GPSM2: variants seen among roughly 807,000 people sequenced by gnomAD.
GPSM2 encodes G protein signaling modulator 2.
Under a neutral mutation model 78.4 loss-of-function variants are expected in GPSM2, and 58 were observed. That is an observed-to-expected ratio of 0.74 (90% CI 0.60 to 0.92). GPSM2 has a LOEUF of 0.92. Among genes scored for constraint, GPSM2 ranks in the 40% least tolerant of loss-of-function variants. The probability of loss-of-function intolerance (pLI) is 0.00; values close to 1 mark genes in which losing one functional copy is unlikely to be tolerated. For missense variants in GPSM2, 700 were observed against 815.5 expected (o/e 0.86, Z 1.73); for synonymous variants, 224 against 280.2 (o/e 0.80, Z 2.00).
At chr1:108,904,753 C>T (rs1649094735) in intron 10 of GPSM2, among the ~76,000 whole-genome samples, 1 of 151,050 alleles carries the variant, frequency 6.6e-6, no homozygotes. Flanking sequence ...CTTTATTTTT[C>T]TTTCTTTTTT....
At chr1:108,923,958 TTTG>T (rs749252007) in intron 13 of GPSM2, 39 bp from the exon 14 acceptor site, 56 of 1,435,742 alleles carry the variant, frequency 3.9e-5, no homozygotes, top group Non-Finnish European at 5.2e-5. Flanking sequence ...TTTTTTGTTT[TTTG>T]TTTTTTTTTA....
intron 10 of GPSM2, among the ~76,000 whole-genome samples, chr1:108,906,340 G>A (rs2101454984): frequency 6.6e-6 from 1 of 152,110 alleles, no homozygotes; most frequent in South Asian, 2.1e-4. Flanking sequence ...AGCTTCTCAA[G>A]TAGCTGGCCT....
At chr1:108,899,060 AG>A (rs756210265) in intron 7 of GPSM2, 66 bp downstream of exon 7, 47 of 979,492 alleles carry the variant, frequency 4.8e-5, no homozygotes, top group Non-Finnish European at 7.4e-5. Context: ...CATAGGCTTT[AG>A]GTTTAAAATC....
At position 108,931,069 on chromosome 1, in the gene GPSM2, T is replaced by C. The variant is rs967947306; in HGVS notation, c.*1129T>C. On this transcript the variant is annotated 3_prime_UTR_variant, in exon 15 of 15. Transcript: ENST00000264126. ...CCTGTCTCTAGAAAACAAGTATCTTTTGTGTGTTTTGGGCTGTTTAAAAAA... is the reference window on the plus strand; with the variant it reads ...CCTGTCTCTAGAAAACAAGTATCTTCTGTGTGTTTTGGGCTGTTTAAAAAA... 3 of 269,998 alleles carry C rather than the reference T, an allele frequency of 1.1e-5. No homozygotes were observed. The highest frequency in any genetic ancestry group is 2.1e-5 in the Non-Finnish European group (3 of 141,562). 16.7% of individuals were successfully genotyped at this position (269,998 alleles called of 1,614,324 possible).
chr1:108,914,088 A>T (rs962498030), intron 10 of GPSM2, among the ~76,000 whole-genome samples: 2 of 152,252 alleles, frequency 1.3e-5, no homozygotes, highest in African/African-American at 2.4e-5. Context: ...GGGGTAATGT[A>T]GTAACCAGTG....
In GPSM2 at chr1:108,902,050, C is replaced by G. The variant is rs1648868047; in HGVS notation, c.953+105C>G. ...TTTTCCTTTGTTTTCCTTAAAATCC[C>G]TTTTAAGGAATTTTCTTTCAGTGAT... On this transcript the variant is annotated intron_variant, in intron 8 of 14. Coordinates refer to ENST00000264126, the MANE Select transcript of GPSM2 (RefSeq NM_013296.5). 3 of 799,534 alleles carry G rather than the reference C, an allele frequency of 3.8e-6. No homozygotes were observed. The East Asian group carries it at 8.0e-5, about 21-fold the overall frequency. The allele number at this position is 799,534 out of a possible 1,614,324, so 49.5% of individuals were successfully genotyped here. A position where few individuals can be genotyped will look rare whatever the true frequency, so the allele number is the denominator to read the frequency against.
At chr1:108,915,255 C>CA (rs1490200759) in intron 11 of GPSM2, among the ~76,000 whole-genome samples, 2 of 149,768 alleles carry the variant, frequency 1.3e-5, no homozygotes, top group Admixed American at 6.7e-5. Flanking sequence ...CCTATAGTCC[C>CA]AGCTACTCGG....
chr1:108,904,085 C>T, intron 9 of GPSM2, 40 bp from the exon 10 acceptor site: 1 of 1,435,296 alleles, frequency 7.0e-7, no homozygotes, highest in Non-Finnish European at 9.8e-7. Context: ...CATTCTTTCT[C>T]TTTAAATACT....
At chr1:108,887,385 A>G (rs758846395) in intron 2 of GPSM2, among the ~76,000 whole-genome samples, 2 of 152,090 alleles carry the variant, frequency 1.3e-5, no homozygotes, top group Admixed American at 6.6e-5. Flanking sequence ...CCAGGACGTA[A>G]CATACACTTA....
At chr1:108,896,615 A>G (rs1167122244) in intron 2 of GPSM2, among the ~76,000 whole-genome samples, 1 of 152,304 alleles carries the variant, frequency 6.6e-6, no homozygotes, top group East Asian at 1.9e-4. Context: ...GGCCAATTAA[A>G]ATGAGCTCCA....
Position 108,933,922 on chromosome 1 carries a change from T to C in GPSM2, c.*3982T>C, listed in dbSNP as rs1652427279. 1.3e-5 allele frequency: 2 copies of C among 152,234 alleles called. No individual in the cohort carries two copies. The highest frequency in any genetic ancestry group is 1.3e-4 in the Admixed American group (2 of 15,284). 9.4% of individuals were successfully genotyped at this position (152,234 alleles called of 1,614,324 possible). A position where few individuals can be genotyped will look rare whatever the true frequency, so the allele number is the denominator to read the frequency against. Reference sequence around the variant, plus strand: ...GGTAATATCTAATAGTCTCCACTGCTAGGATTCTGAGTAACACAAAAAATA... The same window carrying C: ...GGTAATATCTAATAGTCTCCACTGCCAGGATTCTGAGTAACACAAAAAATA... On this transcript the variant is annotated 3_prime_UTR_variant, in exon 15 of 15. Transcript: ENST00000264126.
chr1:108,925,084 CT>C (rs1239772222), intron 14 of GPSM2, among the ~76,000 whole-genome samples: 1 of 152,148 alleles, frequency 6.6e-6, no homozygotes, highest in East Asian at 1.9e-4. Flanking sequence ...GGCAGGACCT[CT>C]TAATAAATTG....
intron 2 of GPSM2, among the ~76,000 whole-genome samples, chr1:108,889,166 A>G (rs1647782260): frequency 6.6e-6 from 1 of 152,216 alleles, no homozygotes. Flanking sequence ...TACTTGCTGC[A>G]GAAGGGGTAC....
intron 12 of GPSM2, among the ~76,000 whole-genome samples, chr1:108,921,423 A>G (rs1342869505): frequency 6.6e-6 from 1 of 152,070 alleles, no homozygotes; most frequent in Non-Finnish European, 1.5e-5. Flanking sequence ...CCTCAAAAAA[A>G]AAAAAAAATC....
Position 108,930,026 on chromosome 1 carries a change from T to C in GPSM2, c.*86T>C. 1 of 1,141,516 alleles carries C rather than the reference T, an allele frequency of 8.8e-7. No homozygotes were observed. The allele number at this position is 1,141,516 out of a possible 1,614,324, so 70.7% of individuals were successfully genotyped here. A position where few individuals can be genotyped will look rare whatever the true frequency, so the allele number is the denominator to read the frequency against. On this transcript the variant is annotated 3_prime_UTR_variant, in exon 15 of 15. Transcript: ENST00000264126. ...TCCTTAAAAGGAGAATTTATAGCAC[T>C]GTAATACAGCTTAAAATATTTTTAG... is the stretch of plus-strand genomic sequence containing the variant.
chr1:108,921,463 C>G (rs934149962), intron 12 of GPSM2, among the ~76,000 whole-genome samples: 1 of 152,000 alleles, frequency 6.6e-6, no homozygotes, highest in African/African-American at 2.4e-5. Context: ...AGTACTTACT[C>G]TCTTACCTAG....
At chr1:108,919,928 G>A (rs968428215) in intron 12 of GPSM2, among the ~76,000 whole-genome samples, 5 of 152,094 alleles carry the variant, frequency 3.3e-5, no homozygotes, top group African/African-American at 7.2e-5. Context: ...CACTTTGGGA[G>A]GCAAAGGTGG....
chr1:108,899,115 T>C, intron 7 of GPSM2, 121 bp downstream of exon 7: 1 of 686,728 alleles, frequency 1.5e-6, no homozygotes, highest in Admixed American at 2.3e-5. Flanking sequence ...AATTTCCTTA[T>C]CTGTAACAGA....
chr1:108,886,002 ATTGTT>A (rs1487500547), intron 2 of GPSM2, among the ~76,000 whole-genome samples: 12 of 151,802 alleles, frequency 7.9e-5, no homozygotes, highest in Admixed American at 1.3e-4. Flanking sequence ...TTTGTAGTGT[ATTGTT>A]TTGATTCCCT....
Sources: allele counts gnomAD v4.1 joint callset (sites outside exome capture counted in the v4.1 genomes callset), GRCh38; gene constraint gnomAD v4.1.1; transcripts MANE v1.5; gene names NCBI Gene and HGNC (gene_info 2026-07-23, HGNC 2026-07-21).